ZFYVE28: variants seen among roughly 807,000 people sequenced by gnomAD.
ZFYVE28 encodes zinc finger FYVE-type containing 28.
A neutral mutation model predicts 82.1 loss-of-function variants in ZFYVE28; 40 were observed. The observed-to-expected ratio is 0.49, with a 90% CI of 0.38 to 0.63. The LOEUF (loss-of-function observed/expected upper bound fraction) is 0.63, where lower values mean the gene tolerates loss of function less well. Ranked by LOEUF, ZFYVE28 falls within the 30% of genes least tolerant of loss-of-function variation. ZFYVE28 has a pLI of 0.00. For synonymous variants in ZFYVE28, 612 were observed against 546.1 expected, an observed-to-expected ratio of 1.12 and a Z score of -1.68; for missense variants, 1,321 against 1,242.1, an observed-to-expected ratio of 1.06 and a Z score of -0.96.
In ZFYVE28 at chr4:2,289,095, C is replaced by T. The variant is rs1713202444; in HGVS notation, c.2052-14879G>A. On this transcript the variant is annotated intron_variant, in intron 8 of 12. Transcript: ENST00000290974. ...GCCAAGAGTTCGAGACCAGCCTGGC[C>T]AACATGGCAAAACCTAGTCTCTTCT... 2.6e-5 allele frequency among the ~76,000 whole-genome samples: 4 copies of T among 152,342 alleles called. No homozygotes were observed. The South Asian group carries it at 8.3e-4, about 32-fold the overall frequency.
chr4:2,359,910 T>G (rs926860432), intron 1 of ZFYVE28, among the ~76,000 whole-genome samples: 7 of 151,822 alleles, frequency 4.6e-5, no homozygotes, highest in African/African-American at 1.7e-4. Context: ...GCTCTTGGGG[T>G]GGGCTCAAGC....
Position 2,353,329 on chromosome 4 carries a change from C to A in ZFYVE28, c.180+604G>T, listed in dbSNP as rs558477869. On this transcript the variant is annotated intron_variant, in intron 2 of 12. Transcript: ENST00000290974. Reference sequence around the variant, plus strand: ...TGGAGGAGCATGTGTCAGGCCCCACCTCCCATGGCCGCAAGGATTCAGCAA... The same window carrying A: ...TGGAGGAGCATGTGTCAGGCCCCACATCCCATGGCCGCAAGGATTCAGCAA... Among the ~76,000 whole-genome samples the A allele has an allele frequency of 9.8e-5, 15 of 152,342 alleles. No individual in the cohort carries two copies. In the South Asian group the frequency reaches 3.1e-3, roughly 32 times the overall value.
At position 2,341,778 on chromosome 4, in the gene ZFYVE28, GGGA is replaced by G. The variant is rs1394589375; in HGVS notation, c.181-166_181-164del. Among the ~76,000 whole-genome samples, 1 of 152,204 alleles carries G rather than the reference GGGA, an allele frequency of 6.6e-6. No individual in the cohort carries two copies. Among genetic ancestry groups the G allele is most frequent in the Non-Finnish European group, 1.5e-5 (1 of 68,038 alleles). On this transcript the variant is annotated intron_variant, in intron 2 of 12. Coordinates refer to ENST00000290974, the MANE Select transcript of ZFYVE28 (RefSeq NM_020972.3). The surrounding 1 kb of genome is among the most constrained non-coding windows in gnomAD (Gnocchi z 4.5). ...CTCATGCCTATAATGCCAGCACTTT[GGGA>G]GGCCGAGGCGGGTGGTTTACCTGAG... is the stretch of plus-strand genomic sequence containing the variant.
In ZFYVE28 at chr4:2,379,142, G is replaced by A. The variant is rs535131429; in HGVS notation, c.40-25069C>T. ...TGAGAGTGGCCAAGCCCCCCAGTCT[G>A]CACCATGCTGGCAGCAGAACCCGTG... On this transcript the variant is annotated intron_variant, in intron 1 of 12. Transcript: ENST00000290974. 2.6e-5 allele frequency among the ~76,000 whole-genome samples: 4 copies of A among 152,346 alleles called. No homozygotes were observed. The South Asian group carries it at 8.3e-4, about 32-fold the overall frequency.
At chr4:2,387,223 G>A (rs894837687) in intron 1 of ZFYVE28, among the ~76,000 whole-genome samples, 2 of 152,192 alleles carry the variant, frequency 1.3e-5, no homozygotes, top group Non-Finnish European at 2.9e-5. Flanking sequence ...CTGGGAACCC[G>A]GAAGCACAGT....
At chr4:2,284,034 T>C (rs982936450) in intron 8 of ZFYVE28, among the ~76,000 whole-genome samples, 2 of 152,186 alleles carry the variant, frequency 1.3e-5, no homozygotes, top group African/African-American at 4.8e-5. Context: ...CAATTCCCTG[T>C]AGGCTACACT....
At chr4:2,398,334 G>A (rs1359148614) in intron 1 of ZFYVE28, among the ~76,000 whole-genome samples, 3 of 152,202 alleles carry the variant, frequency 2.0e-5, no homozygotes, top group African/African-American at 7.2e-5. Context: ...TTGCATGAGG[G>A]CACCCAGACA....
chr4:2,317,163 ATTC>A (rs869118331), intron 7 of ZFYVE28, among the ~76,000 whole-genome samples: 37 of 149,514 alleles, frequency 2.5e-4, no homozygotes, highest in African/African-American at 8.4e-4. Context: ...TAATTTTTGT[ATTC>A]TTGTAGAGAT....
intron 2 of ZFYVE28, among the ~76,000 whole-genome samples, chr4:2,344,517 T>C (rs187809401): frequency 3.9e-5 from 6 of 152,220 alleles, no homozygotes; most frequent in African/African-American, 1.4e-4. Flanking sequence ...CTAAACTACA[T>C]CACGGAACAA....
intron 8 of ZFYVE28, among the ~76,000 whole-genome samples, chr4:2,297,366 G>A (rs1714748552): frequency 6.6e-6 from 1 of 152,224 alleles, no homozygotes; most frequent in Non-Finnish European, 1.5e-5. Flanking sequence ...ACACCTCTGA[G>A]CCCTGTCCTC....
At chr4:2,387,071 G>A (rs1024748333) in intron 1 of ZFYVE28, among the ~76,000 whole-genome samples, 5 of 152,130 alleles carry the variant, frequency 3.3e-5, no homozygotes, top group Non-Finnish European at 4.4e-5. Flanking sequence ...GGCCGGGGCC[G>A]GGGCCGGGGC....
At chr4:2,294,278 A>G (rs111918505) in intron 8 of ZFYVE28, among the ~76,000 whole-genome samples, 1,936 of 152,350 alleles carry the variant, frequency 0.013, 18 homozygotes, top group Middle Eastern at 0.041. Context: ...CAGACTGGAG[A>G]GTTCAGATGT....
At chr4:2,353,794 G>A in intron 2 of ZFYVE28, 139 bp downstream of exon 2, 1 of 1,109,902 alleles carries the variant, frequency 9.0e-7, no homozygotes, top group Non-Finnish European at 1.2e-6. Flanking sequence ...CCTCTTCCTG[G>A]GCCTGGCTTC....
At chr4:2,345,825 AGAC>A (rs1723455418) in intron 2 of ZFYVE28, among the ~76,000 whole-genome samples, 1 of 152,142 alleles carries the variant, frequency 6.6e-6, no homozygotes, top group Admixed American at 6.6e-5. Flanking sequence ...CAAGGAACAA[AGAC>A]AAAAATGGCA....
chr4:2,301,988 G>A (rs1296568364), intron 8 of ZFYVE28, among the ~76,000 whole-genome samples: 1 of 152,240 alleles, frequency 6.6e-6, no homozygotes, highest in Non-Finnish European at 1.5e-5. Flanking sequence ...GGGCCCGAGT[G>A]CACGCCAGGC....
At chr4:2,404,857 CTTTTTT>C (rs11404626) in intron 1 of ZFYVE28, among the ~76,000 whole-genome samples, 1 of 110,998 alleles carries the variant, frequency 9.0e-6, no homozygotes, top group Non-Finnish European at 1.7e-5. Context: ...CAGTCTCGCT[CTTTTTT>C]TTTTTTTTTT....
At chr4:2,291,220 C>T (rs113638832) in intron 8 of ZFYVE28, among the ~76,000 whole-genome samples, 11 of 152,348 alleles carry the variant, frequency 7.2e-5, no homozygotes, top group African/African-American at 2.4e-4. Context: ...GCAGCATCAC[C>T]GCGGTTGAAA....
intron 8 of ZFYVE28, among the ~76,000 whole-genome samples, chr4:2,280,325 T>G (rs957130846): frequency 5.3e-5 from 8 of 152,000 alleles, no homozygotes; most frequent in African/African-American, 1.9e-4. Flanking sequence ...CTGGGCAACA[T>G]GACAAGACCT....
intron 6 of ZFYVE28, chr4:2,330,925 G>T: frequency 6.5e-7 from 1 of 1,535,274 alleles, no homozygotes; most frequent in Non-Finnish European, 8.7e-7. Flanking sequence ...GCAGGGCAGA[G>T]ATGACACCTT....
Sources: allele counts gnomAD v4.1 joint callset (sites outside exome capture counted in the v4.1 genomes callset), GRCh38; gene constraint gnomAD v4.1.1; non-coding constraint Gnocchi (gnomAD v3.1); transcripts MANE v1.5; gene names NCBI Gene and HGNC (gene_info 2026-07-23, HGNC 2026-07-21).